The following PIP5K1C variants were observed in gnomAD, a reference collection of about 807,000 sequenced individuals.
PIP5K1C encodes the protein phosphatidylinositol 4-phosphate 5-kinase type-1 gamma.
Under a neutral mutation model 80.1 loss-of-function variants are expected in PIP5K1C, and 45 were observed. That is an observed-to-expected ratio of 0.56 (90% CI 0.44 to 0.72). The LOEUF is 0.72. PIP5K1C is among the 30% of genes least tolerant of loss of function. PIP5K1C has a pLI of 0.00. For synonymous variants in PIP5K1C, 498 were observed against 420.1 expected (o/e 1.19, Z -2.27); for missense variants, 753 against 954.6 (o/e 0.79, Z 2.78).
At chr19:3,644,546 G>A (rs370925190) in intron 11 of PIP5K1C, among the ~76,000 whole-genome samples, 7 of 152,348 alleles carry the variant, frequency 4.6e-5, no homozygotes, top group African/African-American at 1.7e-4. Flanking sequence ...CATCTAATGA[G>A]CTGGCCAGGG....
At chr19:3,699,097 A>G (rs1468778192) in intron 1 of PIP5K1C, among the ~76,000 whole-genome samples, 1 of 150,462 alleles carries the variant, frequency 6.6e-6, no homozygotes, top group African/African-American at 2.5e-5. Context: ...TTTGTCTCTG[A>G]CCAGCTGGGG....
At chr19:3,636,440 C>A (rs1412917725) in intron 16 of PIP5K1C, 11 of 985,350 alleles carry the variant, frequency 1.1e-5, no homozygotes, top group Non-Finnish European at 1.3e-5. Context: ...CTCCCCACGT[C>A]TGCCCCTTCA....
At chr19:3,699,710 C>T (rs1376526474) in intron 1 of PIP5K1C, among the ~76,000 whole-genome samples, 1 of 152,084 alleles carries the variant, frequency 6.6e-6, no homozygotes, top group Non-Finnish European at 1.5e-5. Flanking sequence ...GACAGCCGTG[C>T]CCCCCGCCCA....
intron 5 of PIP5K1C, among the ~76,000 whole-genome samples, chr19:3,659,507 C>T (rs565426486): frequency 2.4e-4 from 36 of 152,386 alleles, no homozygotes. Flanking sequence ...ACGAGCCAGG[C>T]TGCTGCCTTC....
In PIP5K1C at chr19:3,639,752, CTT is replaced by C. The variant is rs537230512; in HGVS notation, c.1788-738_1788-737del. On this transcript the variant is annotated intron_variant, in intron 15 of 17. Coordinates refer to ENST00000335312, the MANE Select transcript of PIP5K1C (RefSeq NM_012398.3). ...GCCTCTTTGTTCTTTTCACTGAGCA[CTT>C]ACTACATGCCAGGGCTGGCTCCCGT... Among the ~76,000 whole-genome samples, 298 of 152,266 alleles carry C rather than the reference CTT, an allele frequency of 2.0e-3. 3 individuals are homozygous for C. The highest frequency in any genetic ancestry group is 6.9e-3 in the African/African-American group (286 of 41,550).
At position 3,637,423 on chromosome 19, in the gene PIP5K1C, T is replaced by C; in HGVS notation, c.1920+1461A>G. ...TGCAGCCGTGATTTACCCAAAGCCC[T>C]TCTGGAAAACAACTGACGTCAGACA... On this transcript the variant is annotated intron_variant, in intron 16 of 17. Transcript: ENST00000335312. The surrounding 1 kb of genome is among the most constrained non-coding windows in gnomAD (Gnocchi z 7.0). The C allele has an allele frequency of 6.5e-7, 1 of 1,535,560 alleles. No homozygotes were observed. Among genetic ancestry groups the C allele is most frequent in the Non-Finnish European group, 8.7e-7 (1 of 1,146,784 alleles).
At chr19:3,642,760 C>T (rs904055673) in intron 14 of PIP5K1C, 147 bp downstream of exon 14, 8 of 711,412 alleles carry the variant, frequency 1.1e-5, no homozygotes, top group African/African-American at 5.3e-5. Flanking sequence ...AGATTGTGTG[C>T]GGTGCTAGGG....
Position 3,641,871 on chromosome 19 carries a change from G to A in PIP5K1C, c.1683-62C>T. The A allele has an allele frequency of 2.9e-6, 4 of 1,371,384 alleles. No individual in the cohort carries two copies. In the South Asian group the frequency reaches 4.7e-5, roughly 16 times the overall value. 85.0% of individuals were successfully genotyped at this position (1,371,384 alleles called of 1,614,324 possible). ...CTCACTTCCCCCATCCTACCCCCAG[G>A]AGTGCCCAGTGAACTCCAGGGCCAG... On this transcript the variant is annotated intron_variant, in intron 14 of 17. Coordinates refer to ENST00000335312, the MANE Select transcript of PIP5K1C (RefSeq NM_012398.3).
rs956950305 is a variant in PIP5K1C at position 3,688,387 on chromosome 19, A to G, written c.94+11910T>C. Among the ~76,000 whole-genome samples the G allele has an allele frequency of 1.3e-5, 2 of 151,870 alleles. No homozygotes were observed. Among genetic ancestry groups the G allele is most frequent in the African/African-American group, 4.8e-5 (2 of 41,318 alleles). On this transcript the variant is annotated intron_variant, in intron 1 of 17. Coordinates refer to ENST00000335312, the MANE Select transcript of PIP5K1C (RefSeq NM_012398.3). This position sits in a 1 kb window ranked among gnomAD's most constrained non-coding sequence, Gnocchi z 5.3. ...CCTGTTCCTCACCTGCGAGGGGGGGACGGCCTCTGGCCCCCTGCTGTGGGC... is the reference window on the plus strand; with the variant it reads ...CCTGTTCCTCACCTGCGAGGGGGGGGCGGCCTCTGGCCCCCTGCTGTGGGC...
intron 1 of PIP5K1C, among the ~76,000 whole-genome samples, chr19:3,678,044 G>A (rs2035436899): frequency 1.5e-5 from 2 of 134,618 alleles, no homozygotes; most frequent in South Asian, 2.5e-4. Flanking sequence ...GAGAATGGAG[G>A]GATGGAGAAT....
chr19:3,664,096 A>G (rs8109485), intron 3 of PIP5K1C, among the ~76,000 whole-genome samples: 31,137 of 152,160 alleles, frequency 0.2, 3,531 homozygotes, highest in African/African-American at 0.29. Context: ...AGGACGCTAC[A>G]CTCAGTGAGA....
intron 11 of PIP5K1C, among the ~76,000 whole-genome samples, chr19:3,644,702 C>T (rs1390339459): frequency 6.6e-6 from 1 of 152,230 alleles, no homozygotes; most frequent in African/African-American, 2.4e-5. Flanking sequence ...AGCGCAGATC[C>T]AGGCTCACCC....
At position 3,630,464 on chromosome 19, in the gene PIP5K1C, A is replaced by G. The variant is rs1441246047; in HGVS notation, c.*2703T>C. 1.3e-5 allele frequency: 2 copies of G among 152,508 alleles called. No individual in the cohort carries two copies. Among genetic ancestry groups the G allele is most frequent in the Non-Finnish European group, 2.9e-5 (2 of 68,024 alleles). 9.4% of individuals were successfully genotyped at this position (152,508 alleles called of 1,614,324 possible). ...ATTTTGTTTCAGAATCAGTTTGGCCATAAAAATGGGACTGGGTTGGGGACA... is the reference window on the plus strand; with the variant it reads ...ATTTTGTTTCAGAATCAGTTTGGCCGTAAAAATGGGACTGGGTTGGGGACA... On this transcript the variant is annotated 3_prime_UTR_variant, in exon 18 of 18. Coordinates refer to ENST00000335312, the MANE Select transcript of PIP5K1C (RefSeq NM_012398.3).
In PIP5K1C at chr19:3,644,724, G is replaced by A. The variant is rs114020516; in HGVS notation, c.1346-473C>T. On this transcript the variant is annotated intron_variant, in intron 11 of 17. Transcript: ENST00000335312. ...ATCCAGGCTCACCCGCTGGCTGTGC[G>A]GCTCGGTCTCTCTGGGCCCTGGGGG... is the stretch of plus-strand genomic sequence containing the variant. Among the ~76,000 whole-genome samples the A allele has an allele frequency of 4.7e-3, 711 of 152,332 alleles. 11 individuals are homozygous for A. Among genetic ancestry groups the A allele is most frequent in the African/African-American group, 0.016 (682 of 41,568 alleles).
At chr19:3,647,473 G>T in intron 9 of PIP5K1C, 87 bp from the exon 10 acceptor site, 1 of 1,146,872 alleles carries the variant, frequency 8.7e-7, no homozygotes, top group Non-Finnish European at 1.3e-6. Flanking sequence ...GCACCCCCCA[G>T]GACACTGGGC....
chr19:3,634,742 C>T (rs935138777), intron 16 of PIP5K1C, among the ~76,000 whole-genome samples: 1 of 152,230 alleles, frequency 6.6e-6, no homozygotes, highest in African/African-American at 2.4e-5. Context: ...CTCCCTGCCT[C>T]GGGCTCTGCC....
chr19:3,652,695 C>T (rs13345886), intron 7 of PIP5K1C, among the ~76,000 whole-genome samples: 1,813 of 152,286 alleles, frequency 0.012, 33 homozygotes, highest in African/African-American at 0.041. Flanking sequence ...GCAGGCTCCA[C>T]GGGGACAGGA....
At chr19:3,644,634 C>A (rs1284074035) in intron 11 of PIP5K1C, among the ~76,000 whole-genome samples, 1 of 152,244 alleles carries the variant, frequency 6.6e-6, no homozygotes, top group Non-Finnish European at 1.5e-5. Flanking sequence ...CACTGACAGC[C>A]TTGGGGAGCA....
chr19:3,676,688 G>GT (rs2035370199), intron 1 of PIP5K1C, among the ~76,000 whole-genome samples: 1 of 152,168 alleles, frequency 6.6e-6, no homozygotes, highest in Admixed American at 6.5e-5. Flanking sequence ...AAAGTCAACG[G>GT]TGAAAAACGC....
Sources: gnomAD v4.1 joint callset for allele counts (sites outside exome capture counted in the v4.1 genomes callset) on GRCh38, gnomAD v4.1.1 for gene constraint, Gnocchi (gnomAD v3.1) non-coding constraint, MANE v1.5 for transcripts, NCBI Gene and HGNC (gene_info 2026-07-23, HGNC 2026-07-21) for gene names.